PTPRD: variants seen among roughly 807,000 people sequenced by gnomAD.
PTPRD encodes the protein protein tyrosine phosphatase receptor type D, also known as receptor-type tyrosine-protein phosphatase delta.
PTPRD carries 34 observed loss-of-function variants against 214.5 expected under a neutral mutation model. The observed-to-expected ratio is 0.16, with a 90% CI of 0.12 to 0.21. PTPRD has a LOEUF of 0.21. Ranked by LOEUF, PTPRD falls within the 10% of genes least tolerant of loss-of-function variation. The pLI, the probability that PTPRD is intolerant of heterozygous loss-of-function variation, is 1.00. For missense variants in PTPRD, 2,545 were observed against 2,398.7 expected (o/e 1.06, Z -1.27); for synonymous variants, 1,128 against 845.7 (o/e 1.33, Z -5.79).
At chr9:8,668,840 C>T (rs923447100) in intron 12 of PTPRD, among the ~76,000 whole-genome samples, 10 of 152,086 alleles carry the variant, frequency 6.6e-5, no homozygotes, top group African/African-American at 2.2e-4. Context: ...GCAAAGTATT[C>T]CAAAAGTTAG....
intron 11 of PTPRD, among the ~76,000 whole-genome samples, chr9:9,009,273 A>G (rs1441810907): frequency 6.6e-6 from 1 of 152,190 alleles, no homozygotes; most frequent in Non-Finnish European, 1.5e-5. Context: ...AGAAATTGAG[A>G]ATTAATAAAA....
intron 2 of PTPRD, among the ~76,000 whole-genome samples, chr9:10,605,975 C>T (rs1037188182): frequency 1.3e-5 from 2 of 151,692 alleles, no homozygotes. Context: ...GCAACCTCTG[C>T]AAGTAGTTTG....
chr9:9,991,658 G>T (rs937384148), intron 4 of PTPRD, among the ~76,000 whole-genome samples: 18 of 152,092 alleles, frequency 1.2e-4, no homozygotes, highest in African/African-American at 3.6e-4. Flanking sequence ...ACTGTGCCCG[G>T]CCCAGCCCAA....
At chr9:9,420,735 T>C (rs1332204) in intron 8 of PTPRD, among the ~76,000 whole-genome samples, 123,036 of 151,706 alleles carry the variant, frequency 0.81, 50,014 homozygotes, top group Non-Finnish European at 0.82. Context: ...ACCAAAATAA[T>C]TATGTAGCTC....
In PTPRD at chr9:10,071,064, A is replaced by G. The variant is rs1054867211; in HGVS notation, c.-544-37274T>C. Among the ~76,000 whole-genome samples the G allele has an allele frequency of 2.0e-5, 3 of 152,104 alleles. No homozygotes were observed. The East Asian group carries it at 5.8e-4, about 29-fold the overall frequency. On this transcript the variant is annotated intron_variant, in intron 3 of 45. Coordinates refer to ENST00000381196, the MANE Select transcript of PTPRD (RefSeq NM_002839.4). ...GTGGTATAAATTTAACAAATGATGT[A>G]CAGAATCTGTATGTGAAAAACTACA...
chr9:9,292,815 A>G (rs748586318), intron 9 of PTPRD, among the ~76,000 whole-genome samples: 1 of 151,116 alleles, frequency 6.6e-6, no homozygotes, highest in Admixed American at 6.6e-5. Context: ...CATTATATAG[A>G]ATGTTCCTCT....
At chr9:8,390,095 G>A (rs928941246) in intron 36 of PTPRD, among the ~76,000 whole-genome samples, 2 of 152,102 alleles carry the variant, frequency 1.3e-5, no homozygotes, top group African/African-American at 4.8e-5. Context: ...TGAACCTCCT[G>A]GATTAGGACA....
chr9:8,341,792 T>C lies in PTPRD; in HGVS notation c.4848A>G (p.Gly1616=). The C allele has an allele frequency of 6.2e-7, 1 of 1,613,658 alleles. No individual in the cohort carries two copies. Among genetic ancestry groups the C allele is most frequent in the Non-Finnish European group, 8.5e-7 (1 of 1,179,732 alleles). Residue 1616 remains glycine (G), a synonymous_variant, in exon 40 of 46, where the codon GGA becomes GGG. Coordinates refer to ENST00000381196, the MANE Select transcript of PTPRD (RefSeq NM_002839.4). The stretch of plus-strand genomic sequence containing the variant: ...AGTTTCTAGCTGGCACTTCGGTATT[T>C]CCACAAGTCACTGCTTCTAACAGTG... ...HDALLEAVTC[G]NTEVPARNLY... is the part of the protein sequence containing the mutation.
intron 11 of PTPRD, among the ~76,000 whole-genome samples, chr9:8,818,752 A>T (rs933295874): frequency 3.9e-5 from 6 of 152,230 alleles, no homozygotes; most frequent in African/African-American, 1.4e-4. Context: ...ATTAATATTT[A>T]TTGCATTTAT....
At chr9:9,985,877 T>C (rs1374516696) in intron 4 of PTPRD, among the ~76,000 whole-genome samples, 2 of 151,994 alleles carry the variant, frequency 1.3e-5, no homozygotes, top group East Asian at 3.9e-4. Context: ...AAACACTGGG[T>C]CAGAACAAGG....
At chr9:10,426,220 C>A (rs2154518916) in intron 2 of PTPRD, among the ~76,000 whole-genome samples, 2 of 151,992 alleles carry the variant, frequency 1.3e-5, no homozygotes, top group African/African-American at 2.4e-5. Flanking sequence ...TTAAAAATGG[C>A]AAAATTCAAC....
chr9:8,326,067 C>G (rs1192669596), intron 44 of PTPRD, among the ~76,000 whole-genome samples: 1 of 152,192 alleles, frequency 6.6e-6, no homozygotes, highest in Admixed American at 6.5e-5. Flanking sequence ...TTATTTCTTT[C>G]TGTTGCCTGA....
intron 9 of PTPRD, among the ~76,000 whole-genome samples, chr9:9,236,039 G>A (rs2099966463): frequency 2.0e-5 from 3 of 152,152 alleles, no homozygotes; most frequent in South Asian, 2.1e-4. Context: ...TGAGGCAGGT[G>A]GATCACCTGA....
intron 4 of PTPRD, among the ~76,000 whole-genome samples, chr9:9,947,073 A>G (rs958239898): frequency 1.3e-5 from 2 of 150,776 alleles, no homozygotes; most frequent in Non-Finnish European, 2.9e-5. Flanking sequence ...ACCACAAAAG[A>G]AATGATCTTT....
chr9:9,552,754 A>G (rs1041696598), intron 8 of PTPRD, among the ~76,000 whole-genome samples: 1 of 152,094 alleles, frequency 6.6e-6, no homozygotes, highest in Non-Finnish European at 1.5e-5. Context: ...GCAAAATCAC[A>G]TTGTGACATG....
intron 3 of PTPRD, among the ~76,000 whole-genome samples, chr9:10,218,048 G>A (rs372301621): frequency 6.6e-6 from 1 of 151,822 alleles, no homozygotes; most frequent in Admixed American, 6.6e-5. Flanking sequence ...TAAATTTAGT[G>A]ATTGAGGTGA....
intron 11 of PTPRD, among the ~76,000 whole-genome samples, chr9:8,917,490 G>C (rs2098795632): frequency 6.6e-6 from 1 of 151,906 alleles, no homozygotes; most frequent in Non-Finnish European, 1.5e-5. Flanking sequence ...GGAAGCACAG[G>C]TCTAAGCTGT....
At chr9:9,999,179 C>G (rs989082247) in intron 4 of PTPRD, among the ~76,000 whole-genome samples, 1 of 152,144 alleles carries the variant, frequency 6.6e-6, no homozygotes, top group African/African-American at 2.4e-5. Flanking sequence ...TCCCTACGCT[C>G]GGGCTGGGAA....
intron 2 of PTPRD, among the ~76,000 whole-genome samples, chr9:10,534,756 C>G (rs1478305133): frequency 6.6e-6 from 1 of 152,138 alleles, no homozygotes; most frequent in Non-Finnish European, 1.5e-5. Context: ...TATTAATCAT[C>G]TGCATTTCTG....
Sources: gnomAD v4.1 joint callset for allele counts (sites outside exome capture counted in the v4.1 genomes callset) on GRCh38, gnomAD v4.1.1 for gene constraint, MANE v1.5 for transcripts, NCBI Gene and HGNC (gene_info 2026-07-23, HGNC 2026-07-21) for gene names.